GRID1: variants seen among roughly 807,000 people sequenced by gnomAD.
GRID1 encodes glutamate receptor ionotropic, delta-1.
In GRID1, 28 loss-of-function variants were observed where a neutral mutation model predicts 98.0. The observed-to-expected ratio is 0.29, with a 90% CI of 0.21 to 0.39. The LOEUF is 0.39. Ranked by LOEUF, GRID1 falls within the 10% of genes least tolerant of loss-of-function variation. The pLI is 1.00. For synonymous variants in GRID1, 553 were observed against 538.5 expected (o/e 1.03, Z -0.37); for missense variants, 1,111 against 1,340.5 (o/e 0.83, Z 2.67).
chr10:86,316,940 C>G (rs10788488), intron 2 of GRID1, among the ~76,000 whole-genome samples: 111,225 of 152,158 alleles, frequency 0.73, 43,172 homozygotes, highest in Non-Finnish European at 0.86. Flanking sequence ...AAATGCATAT[C>G]CTCAGCCCCT....
At chr10:85,728,092 G>C (rs757559954) in intron 9 of GRID1, 40 bp from the exon 10 acceptor site, 2 of 1,309,822 alleles carry the variant, frequency 1.5e-6, no homozygotes, top group South Asian at 2.4e-5. Context: ...TTAAATAACA[G>C]GTTCATCAAC....
intron 2 of GRID1, among the ~76,000 whole-genome samples, chr10:86,363,632 C>T (rs1197111866): frequency 6.6e-6 from 1 of 152,172 alleles, no homozygotes; most frequent in Non-Finnish European, 1.5e-5. Context: ...CTGCCCCGAG[C>T]CACGCACGCC....
At chr10:85,675,642 A>G (rs116200362) in intron 12 of GRID1, among the ~76,000 whole-genome samples, 328 of 152,268 alleles carry the variant, frequency 2.2e-3, no homozygotes, top group African/African-American at 7.6e-3. Flanking sequence ...ATCTCTCTCA[A>G]ACAGAGGGAG....
rs1193117702 is a variant in GRID1, at chr10:86,109,373, C to T, written c.726+29446G>A. 3.9e-5 allele frequency among the ~76,000 whole-genome samples: 6 copies of T among 152,242 alleles called. No individual in the cohort carries two copies. In the South Asian group the frequency reaches 6.2e-4, roughly 16 times the overall value. On this transcript the variant is annotated intron_variant, in intron 4 of 15. Transcript: ENST00000327946. ...TGAACAAGGCTTACAAAACTCAGCACAGGTCTTGAGCCCCCAACACAAGGG... is the reference window on the plus strand; with the variant it reads ...TGAACAAGGCTTACAAAACTCAGCATAGGTCTTGAGCCCCCAACACAAGGG...
chr10:85,878,061 G>A (rs1038857005), intron 5 of GRID1, among the ~76,000 whole-genome samples: 3 of 152,134 alleles, frequency 2.0e-5, no homozygotes, highest in African/African-American at 7.2e-5. Context: ...GAGAAGAGGA[G>A]TTTAGAGAAA....
At chr10:85,772,911 C>T (rs1842287678) in intron 8 of GRID1, among the ~76,000 whole-genome samples, 1 of 152,154 alleles carries the variant, frequency 6.6e-6, no homozygotes, top group South Asian at 2.1e-4. Flanking sequence ...GGAACTGGTA[C>T]CATTCCTTCT....
At chr10:85,847,835 C>G (rs1843021330) in intron 8 of GRID1, among the ~76,000 whole-genome samples, 1 of 152,046 alleles carries the variant, frequency 6.6e-6, no homozygotes, top group African/African-American at 2.4e-5. Context: ...AATGAATAAT[C>G]TAATTATTTG....
Position 85,736,090 on chromosome 10 carries a change from G to A in GRID1, c.1234-6476C>T, listed in dbSNP as rs368669392. 2.4e-3 allele frequency among the ~76,000 whole-genome samples: 330 copies of A among 138,370 alleles called. 3 individuals carry two copies. The highest frequency in any genetic ancestry group is 8.6e-3 in the African/African-American group (317 of 37,026). 90.8% of individuals were successfully genotyped at this position (138,370 alleles called of 152,430 possible). On this transcript the variant is annotated intron_variant, in intron 8 of 15. Transcript: ENST00000327946. ...AGAGGGAAGGAAGGAGAGAAGGAAGGAAGGAAGGAGAGAAGGAAGGAACGA... is the reference window on the plus strand; with the variant it reads ...AGAGGGAAGGAAGGAGAGAAGGAAGAAAGGAAGGAGAGAAGGAAGGAACGA...
chr10:85,915,816 T>C (rs2131824255), intron 5 of GRID1, among the ~76,000 whole-genome samples: 1 of 152,222 alleles, frequency 6.6e-6, no homozygotes, highest in South Asian at 2.1e-4. Flanking sequence ...AATTCAGCCT[T>C]CCTCTCCTAC....
intron 2 of GRID1, among the ~76,000 whole-genome samples, chr10:86,314,963 A>G (rs894350534): frequency 1.3e-5 from 2 of 151,722 alleles, no homozygotes; most frequent in African/African-American, 2.4e-5. Flanking sequence ...TTGGGCCTGC[A>G]GTCAGGACCT....
At chr10:85,610,970 G>C (rs907393435) in intron 15 of GRID1, among the ~76,000 whole-genome samples, 1 of 152,122 alleles carries the variant, frequency 6.6e-6, no homozygotes, top group Non-Finnish European at 1.5e-5. Context: ...TTGGCAACAG[G>C]GGCAGGAAGT....
At chr10:86,180,985 G>A (rs1052912941) in intron 3 of GRID1, among the ~76,000 whole-genome samples, 1 of 152,254 alleles carries the variant, frequency 6.6e-6, no homozygotes, top group Non-Finnish European at 1.5e-5. Context: ...GAGGGTCCTC[G>A]CTTGGATGCT....
intron 4 of GRID1, among the ~76,000 whole-genome samples, chr10:85,936,618 T>A (rs1243003403): frequency 2.0e-5 from 3 of 152,130 alleles, no homozygotes; most frequent in South Asian, 4.1e-4. Flanking sequence ...TCTATCCAGT[T>A]CTGTTTGTTG....
chr10:86,153,187 G>T (rs1434275139), intron 3 of GRID1, among the ~76,000 whole-genome samples: 3 of 152,144 alleles, frequency 2.0e-5, no homozygotes, highest in Admixed American at 2.0e-4. Flanking sequence ...CCATGCCTGA[G>T]TCTGGGTGCA....
At chr10:86,223,527 C>T (rs1383227548) in intron 2 of GRID1, among the ~76,000 whole-genome samples, 1 of 152,198 alleles carries the variant, frequency 6.6e-6, no homozygotes, top group Non-Finnish European at 1.5e-5. Context: ...AGGGAGCTTT[C>T]CCAGTCACAC....
chr10:86,162,581 AC>A (rs1400040424), intron 3 of GRID1, among the ~76,000 whole-genome samples: 2 of 152,090 alleles, frequency 1.3e-5, no homozygotes, highest in Non-Finnish European at 2.9e-5. Context: ...TGCAAATCCA[AC>A]CCTAAAAACA....
At chr10:86,146,482 C>T (rs1400989047) in intron 3 of GRID1, among the ~76,000 whole-genome samples, 1 of 152,168 alleles carries the variant, frequency 6.6e-6, no homozygotes, top group Admixed American at 6.5e-5. Flanking sequence ...ATGATGGCAG[C>T]AGCGTCTGCC....
intron 3 of GRID1, among the ~76,000 whole-genome samples, chr10:86,155,708 C>T (rs775308201): frequency 1.6e-4 from 24 of 152,192 alleles, no homozygotes; most frequent in Non-Finnish European, 3.2e-4. Context: ...TGAATATATA[C>T]ATCAGCCCTA....
chr10:86,080,487 A>AGGGAAGGGAAGGGAAAG (rs1843961280), intron 4 of GRID1, among the ~76,000 whole-genome samples: 1 of 122,330 alleles, frequency 8.2e-6, no homozygotes, highest in Non-Finnish European at 1.7e-5. Flanking sequence ...GGAAGGGAAA[A>AGGGAAGGGAAGGGAAAG]GGGAAAAGGG....
Sources: allele counts gnomAD v4.1 joint callset (sites outside exome capture counted in the v4.1 genomes callset), GRCh38; gene constraint gnomAD v4.1.1; transcripts MANE v1.5; gene names NCBI Gene and HGNC (gene_info 2026-07-23, HGNC 2026-07-21).